GTF2H3: variants seen among roughly 807,000 people sequenced by gnomAD.
The protein encoded by GTF2H3 is TFIIH basal transcription factor complex p34 subunit.
Under a neutral mutation model 51.1 loss-of-function variants are expected in GTF2H3, and 42 were observed. The observed-to-expected ratio is 0.82, with a 90% CI of 0.64 to 1.06. The LOEUF (loss-of-function observed/expected upper bound fraction) is 1.06, where lower values mean the gene tolerates loss of function less well. Ranked by LOEUF, GTF2H3 falls within the 50% of genes least tolerant of loss-of-function variation. The pLI, the probability that GTF2H3 is intolerant of heterozygous loss-of-function variation, is 0.00. For synonymous variants in GTF2H3, 123 were observed against 123.8 expected (o/e 0.99, Z 0.04); for missense variants, 326 against 366.1 (o/e 0.89, Z 0.89).
chr12:123,634,842 C>T (rs1364578318), intron 1 of GTF2H3, among the ~76,000 whole-genome samples: 7 of 152,164 alleles, frequency 4.6e-5, no homozygotes, highest in Non-Finnish European at 1.0e-4. Context: ...CCTTATTGGC[C>T]GTGATAGAGA....
chr12:123,660,415 A>C lies in GTF2H3; in HGVS notation c.*180A>C. 1.9e-6 allele frequency: 1 copy of C among 538,670 alleles called. No individual in the cohort carries two copies. The highest frequency in any genetic ancestry group is 3.3e-6 in the Non-Finnish European group (1 of 306,498). The allele number at this position is 538,670 out of a possible 1,614,324, so 33.4% of individuals were successfully genotyped here. ...TGCTTCTGGAGGACTGATTTGTTTG[A>C]GGGAATCATTCTATGCATTATATCC... On this transcript the variant is annotated 3_prime_UTR_variant, in exon 13 of 13. Transcript: ENST00000543341.
chr12:123,650,623 G>C (rs1955508369), intron 4 of GTF2H3: 1 of 198,304 alleles, frequency 5.0e-6, no homozygotes, highest in African/African-American at 2.3e-5. Flanking sequence ...TAAGTGTACA[G>C]TTCAGTAATG....
intron 4 of GTF2H3, chr12:123,649,053 G>A (rs998636921): frequency 3.3e-5 from 5 of 152,328 alleles, no homozygotes; most frequent in African/African-American, 4.8e-5. Context: ...TGCAACCTCC[G>A]CCTCCCGGGT....
intron 9 of GTF2H3, among the ~76,000 whole-genome samples, chr12:123,657,173 CT>C (rs113646322): frequency 0.019 from 2,803 of 144,594 alleles, 64 homozygotes; most frequent in African/African-American, 0.06. Context: ...TGGTTTTTGC[CT>C]TTTTTTTTTT....
At chr12:123,652,972 G>C (rs1281569349) in intron 7 of GTF2H3, among the ~76,000 whole-genome samples, 1 of 152,028 alleles carries the variant, frequency 6.6e-6, no homozygotes, top group Non-Finnish European at 1.5e-5. Context: ...CAGCTACTTG[G>C]GATCCCGAGG....
intron 3 of GTF2H3, among the ~76,000 whole-genome samples, chr12:123,647,360 T>C (rs1955462337): frequency 6.6e-6 from 1 of 151,188 alleles, no homozygotes; most frequent in African/African-American, 2.4e-5. Context: ...TAATTCCAGC[T>C]ACTTGGGAGG....
At chr12:123,645,699 G>A (rs1955436793) in intron 3 of GTF2H3, 138 bp downstream of exon 3, 1 of 603,872 alleles carries the variant, frequency 1.7e-6, no homozygotes, top group Non-Finnish European at 3.0e-6. Flanking sequence ...AGCACCAAGA[G>A]CCAGTACATG....
At chr12:123,651,174 G>C in intron 5 of GTF2H3, 118 bp downstream of exon 5, 1 of 663,218 alleles carries the variant, frequency 1.5e-6, no homozygotes, top group South Asian at 1.8e-5. Flanking sequence ...CTCTGAAGTG[G>C]AGGGTAATTT....
At chr12:123,633,918 C>G (rs1955231776) in intron 1 of GTF2H3, 46 bp downstream of exon 1, 1 of 1,605,180 alleles carries the variant, frequency 6.2e-7, no homozygotes, top group Admixed American at 1.7e-5. Context: ...GCTCGGCTGT[C>G]TCGGTCCGGC....
chr12:123,636,799 C>A (rs11572923), intron 1 of GTF2H3, among the ~76,000 whole-genome samples: 360 of 152,298 alleles, frequency 2.4e-3, no homozygotes, highest in Non-Finnish European at 4.0e-3. Context: ...TGCCTGTAAT[C>A]CCGGCTACTC....
At chr12:123,640,589 C>T (rs1015642247) in intron 2 of GTF2H3, among the ~76,000 whole-genome samples, 5 of 152,180 alleles carry the variant, frequency 3.3e-5, no homozygotes, top group East Asian at 3.9e-4. Context: ...CTGCCTACCT[C>T]GGCCTCCCAA....
chr12:123,660,234 G>A lies in GTF2H3; in HGVS notation c.926G>A (p.Ter309=), dbSNP rs1955640884. The A allele has an allele frequency of 4.4e-6, 7 of 1,603,516 alleles. No homozygotes were observed. Among genetic ancestry groups the A allele is most frequent in the Non-Finnish European group, 5.1e-6 (6 of 1,174,554 alleles). ...AKKKKLKVSA[*] Reference sequence around the variant, plus strand: ...AAAAAGAAACTGAAAGTGTCTGCCTGAGGATAAAATATTTTCCCCATCTTT... The same window carrying A: ...AAAAAGAAACTGAAAGTGTCTGCCTAAGGATAAAATATTTTCCCCATCTTT... Residue 309 remains the stop codon, a stop_retained_variant, in exon 13 of 13, where the codon TGA becomes TAA. Coordinates refer to ENST00000543341, the MANE Select transcript of GTF2H3 (RefSeq NM_001516.5).
At chr12:123,640,793 G>A (rs565776809) in intron 2 of GTF2H3, among the ~76,000 whole-genome samples, 123 of 152,274 alleles carry the variant, frequency 8.1e-4, no homozygotes, top group African/African-American at 2.8e-3. Context: ...TGTATTTTCT[G>A]TGGCAGCTTT....
chr12:123,640,916 G>A (rs1261603732), intron 2 of GTF2H3, among the ~76,000 whole-genome samples: 1 of 152,206 alleles, frequency 6.6e-6, no homozygotes, highest in Non-Finnish European at 1.5e-5. Flanking sequence ...GGCCGATTGT[G>A]TGGTCTGTTC....
At position 123,654,774 on chromosome 12, in the gene GTF2H3, G is replaced by C. The variant is rs1413567311; in HGVS notation, c.487-150G>C. ...GCGGGATTTCGGGGGAAATGTTACT[G>C]TCATCTTTATACTTTAGGTATCATT... On this transcript the variant is annotated intron_variant, in intron 7 of 12. Coordinates refer to ENST00000543341, the MANE Select transcript of GTF2H3 (RefSeq NM_001516.5). 4.7e-6 allele frequency: 3 copies of C among 642,612 alleles called. No individual in the cohort carries two copies. The African/African-American group carries it at 5.5e-5, about 12-fold the overall frequency. 39.8% of individuals were successfully genotyped at this position (642,612 alleles called of 1,614,324 possible). A position where few individuals can be genotyped will look rare whatever the true frequency, so the allele number is the denominator to read the frequency against.
At chr12:123,640,381 G>T (rs1265238853) in intron 2 of GTF2H3, among the ~76,000 whole-genome samples, 1 of 144,034 alleles carries the variant, frequency 6.9e-6, no homozygotes, top group African/African-American at 2.6e-5. Context: ...TTGTTGCCCA[G>T]GCTAGAGTGC....
At position 123,645,503 on chromosome 12, in the gene GTF2H3, C is replaced by G. The variant is rs1324017299; in HGVS notation, c.142C>G (p.His48Asp). The G allele has an allele frequency of 6.2e-7, 1 of 1,610,220 alleles. No individual in the cohort carries two copies. ...TGCCGTGATGGTGCTGGGAAATTCG[C>G]ATTTATTCATGAATCGTTCCAACAA... ...IDAVMVLGNS[H>D]LFMNRSNKLA... The change falls in exon 3 of 13, where the codon CAT becomes GAT. Residue 48 changes from histidine (H) to aspartate (D), a missense_variant. By Grantham distance (81) the His-to-Asp change is moderately conservative. Coordinates refer to ENST00000543341, the MANE Select transcript of GTF2H3 (RefSeq NM_001516.5).
chr12:123,645,877 T>A (rs2135786357), intron 3 of GTF2H3, among the ~76,000 whole-genome samples: 1 of 152,358 alleles, frequency 6.6e-6, no homozygotes, highest in South Asian at 2.1e-4. Flanking sequence ...CCATTTTGTG[T>A]CTGCCCCAGC....
chr12:123,634,847 T>C (rs945641069), intron 1 of GTF2H3, among the ~76,000 whole-genome samples: 1 of 152,236 alleles, frequency 6.6e-6, no homozygotes, highest in Non-Finnish European at 1.5e-5. Flanking sequence ...TTGGCCGTGA[T>C]AGAGAAGTTG....
Sources: allele counts gnomAD v4.1 joint callset (sites outside exome capture counted in the v4.1 genomes callset), GRCh38; gene constraint gnomAD v4.1.1; transcripts MANE v1.5; gene names NCBI Gene and HGNC (gene_info 2026-07-23, HGNC 2026-07-21).